Variants in MYDGF observed in about 807,000 individuals in gnomAD.
MYDGF encodes the protein myeloid-derived growth factor.
In MYDGF, 29 loss-of-function variants were observed where a neutral mutation model predicts 24.2. The observed-to-expected ratio is 1.20, with a 90% CI of 0.89 to 1.63. The LOEUF (loss-of-function observed/expected upper bound fraction) is 1.63, where lower values mean the gene tolerates loss of function less well. Among genes scored for constraint, MYDGF ranks in the 40% most tolerant of loss-of-function variants. The probability of loss-of-function intolerance (pLI) is 0.00; values close to 1 mark genes in which losing one functional copy is unlikely to be tolerated. For missense variants in MYDGF, 245 were observed against 234.8 expected, an observed-to-expected ratio of 1.04 and a Z score of -0.29; for synonymous variants, 105 against 102.5, an observed-to-expected ratio of 1.02 and a Z score of -0.15.
intron 2 of MYDGF, among the ~76,000 whole-genome samples, chr19:4,667,121 C>CTTTT (rs57093750): frequency 5.6e-4 from 57 of 102,172 alleles, no homozygotes; most frequent in African/African-American, 6.7e-4. Flanking sequence ...TCAAATCACC[C>CTTTT]TTTTTTTTTT....
intron 3 of MYDGF, among the ~76,000 whole-genome samples, chr19:4,661,260 C>T (rs1316049748): frequency 6.6e-6 from 1 of 152,214 alleles, no homozygotes. Flanking sequence ...GCCACTGTGC[C>T]TGGCCCCTTT....
At chr19:4,659,890 G>C (rs202182289) in intron 5 of MYDGF, 41 bp downstream of exon 5, 2 of 1,579,640 alleles carry the variant, frequency 1.3e-6, no homozygotes, top group East Asian at 4.5e-5. Flanking sequence ...ACCCTTGGAT[G>C]GGGGTGGCGT....
At chr19:4,666,969 A>G (rs1459251471) in intron 2 of MYDGF, among the ~76,000 whole-genome samples, 1 of 151,988 alleles carries the variant, frequency 6.6e-6, no homozygotes, top group Non-Finnish European at 1.5e-5. Flanking sequence ...GTTGTGGCAG[A>G]TTTCAGTTCC....
intron 3 of MYDGF, among the ~76,000 whole-genome samples, chr19:4,662,450 C>G (rs144739839): frequency 6.6e-6 from 1 of 152,184 alleles, no homozygotes; most frequent in Admixed American, 6.5e-5. Context: ...CGGCTTCCTT[C>G]CCTTCATGAC....
chr19:4,657,719 T>C lies in MYDGF; in HGVS notation c.*286A>G. Reference sequence around the variant, plus strand: ...TGCTTTCCCCAGCATAGCCCCCATGTTCCCCACCCTCTTTGTGCCCCGGAT... The same window carrying C: ...TGCTTTCCCCAGCATAGCCCCCATGCTCCCCACCCTCTTTGTGCCCCGGAT... On this transcript the variant is annotated 3_prime_UTR_variant, in exon 6 of 6. Coordinates refer to ENST00000262947, the MANE Select transcript of MYDGF (RefSeq NM_019107.4). The C allele has an allele frequency of 3.4e-6, 1 of 292,566 alleles. No individual in the cohort carries two copies. The highest frequency in any genetic ancestry group is 5.8e-5 in the East Asian group (1 of 17,330). The allele number at this position is 292,566 out of a possible 1,614,324, so 18.1% of individuals were successfully genotyped here.
At chr19:4,670,023 G>A in intron 1 of MYDGF, 138 bp downstream of exon 1, 5 of 988,990 alleles carry the variant, frequency 5.1e-6, no homozygotes, top group Non-Finnish European at 5.4e-6. Context: ...CTCAGCCTCC[G>A]ACCCTAACAA....
In MYDGF at chr19:4,660,161, T is replaced by G. The variant is rs141510512; in HGVS notation, c.370-158A>C. Among the ~76,000 whole-genome samples the G allele has an allele frequency of 2.3e-4, 35 of 152,330 alleles. No homozygotes were observed. In the South Asian group the frequency reaches 2.9e-3, roughly 13 times the overall value. Reference sequence around the variant, plus strand: ...TTGTTTTTGAGCCAGGACCTCACTCTACTGTCCAGGCTGGAATGCAGCAGT... The same window carrying G: ...TTGTTTTTGAGCCAGGACCTCACTCGACTGTCCAGGCTGGAATGCAGCAGT... On this transcript the variant is annotated intron_variant, in intron 4 of 5. Coordinates refer to ENST00000262947, the MANE Select transcript of MYDGF (RefSeq NM_019107.4).
At chr19:4,670,140 C>T in intron 1 of MYDGF, 21 bp downstream of exon 1, 1 of 1,489,406 alleles carries the variant, frequency 6.7e-7, no homozygotes, top group East Asian at 2.7e-5. Flanking sequence ...CTCAAATATC[C>T]GGGACGGCGG....
rs1053964827 is a variant in MYDGF, at chr19:4,670,309, T to C, written c.26A>G (p.Asn9Ser). The stretch of plus-strand genomic sequence containing the variant: ...GGCCCACAAGCTCGCGCCGACGCCG[T>C]TCCACCCTCCGCTGGGCGCCGCCAT... MAAPSGGW[N>S]GVGASLWAAL... The change falls in exon 1 of 6, where the codon AAC becomes AGC. Residue 9 changes from asparagine (N) to serine (S), a missense_variant. Coordinates refer to ENST00000262947, the MANE Select transcript of MYDGF (RefSeq NM_019107.4). 1.3e-6 allele frequency: 2 copies of C among 1,487,926 alleles called. No individual in the cohort carries two copies. Among genetic ancestry groups the C allele is most frequent in the Admixed American group, 4.9e-5 (2 of 41,106 alleles). 92.2% of individuals were successfully genotyped at this position (1,487,926 alleles called of 1,614,324 possible).
intron 2 of MYDGF, among the ~76,000 whole-genome samples, chr19:4,668,347 G>A (rs760683204): frequency 1.3e-5 from 2 of 150,790 alleles, no homozygotes; most frequent in Non-Finnish European, 2.9e-5. Context: ...GATGCTCATG[G>A]GGATGGCAGA....
At chr19:4,668,783 G>C (rs781504597) in intron 1 of MYDGF, 138 bp from the exon 2 acceptor site, 3 of 640,312 alleles carry the variant, frequency 4.7e-6, no homozygotes, top group Non-Finnish European at 8.4e-6. Context: ...CCAGGTTTGA[G>C]TAATCCTCTT....
chr19:4,670,198 C>A lies in MYDGF; in HGVS notation c.137G>T (p.Gly46Val), dbSNP rs747830137. 6 of 1,559,388 alleles carry A rather than the reference C, an allele frequency of 3.8e-6. No homozygotes were observed. The African/African-American group carries it at 8.5e-5, about 22-fold the overall frequency. ...GTTATGGGAGAAGGAATGCACGACGCCGCCGGGCCGCACGTCAAACGCCAC... is the reference window on the plus strand; with the variant it reads ...GTTATGGGAGAAGGAATGCACGACGACGCCGGGCCGCACGTCAAACGCCAC... ...TTVAFDVRPG[G>V]VVHSFSHNVG... Residue 46 changes from glycine to valine, a missense_variant, in exon 1 of 6, where the codon GGC (glycine) becomes GTC (valine). Coordinates refer to ENST00000262947, the MANE Select transcript of MYDGF (RefSeq NM_019107.4).
chr19:4,668,777 G>A (rs2088540115), intron 1 of MYDGF, 132 bp from the exon 2 acceptor site: 1 of 680,174 alleles, frequency 1.5e-6, no homozygotes, highest in Non-Finnish European at 2.6e-6. Flanking sequence ...GAACTCCCAG[G>A]TTTGAGTAAT....
Position 4,666,587 on chromosome 19 carries a change from T to G in MYDGF, c.226-1650A>C, listed in dbSNP as rs561397183. On this transcript the variant is annotated intron_variant, in intron 2 of 5. Coordinates refer to ENST00000262947, the MANE Select transcript of MYDGF (RefSeq NM_019107.4). The stretch of plus-strand genomic sequence containing the variant: ...CACCGCGCCCAGCCCAGTTTTACTT[T>G]TAAGAAAATGGACCCATGAATCCCA... Among the ~76,000 whole-genome samples the G allele has an allele frequency of 2.6e-5, 4 of 151,990 alleles. No individual in the cohort carries two copies. In the South Asian group the frequency reaches 8.3e-4, roughly 32 times the overall value.
intron 2 of MYDGF, among the ~76,000 whole-genome samples, chr19:4,666,263 A>T (rs1442720026): frequency 6.6e-6 from 1 of 152,038 alleles, no homozygotes; most frequent in Non-Finnish European, 1.5e-5. Flanking sequence ...ATGATCTCAA[A>T]ACATACAGTT....
intron 1 of MYDGF, among the ~76,000 whole-genome samples, chr19:4,669,429 C>T (rs991172806): frequency 6.6e-6 from 1 of 152,002 alleles, no homozygotes; most frequent in East Asian, 1.9e-4. Flanking sequence ...CCAGCCTGGG[C>T]GACAGAGTGA....
chr19:4,669,890 G>A (rs1012750602), intron 1 of MYDGF, among the ~76,000 whole-genome samples: 3 of 152,134 alleles, frequency 2.0e-5, no homozygotes, highest in African/African-American at 7.2e-5. Context: ...GGACACTCCA[G>A]GCAGGCGACA....
At chr19:4,663,213 T>A (rs112321279) in intron 3 of MYDGF, among the ~76,000 whole-genome samples, 4,372 of 58,590 alleles carry the variant, frequency 0.075, 51 homozygotes, top group Middle Eastern at 0.13. Flanking sequence ...CGTCCTGTCC[T>A]CATTCTACAC....
chr19:4,659,645 AG>A, intron 5 of MYDGF: 1 of 502,124 alleles, frequency 2.0e-6, no homozygotes, highest in Non-Finnish European at 3.5e-6. Context: ...AACAGGCATG[AG>A]CCACCGCGCC....
Sources: allele counts gnomAD v4.1 joint callset (sites outside exome capture counted in the v4.1 genomes callset), GRCh38; gene constraint gnomAD v4.1.1; transcripts MANE v1.5; gene names NCBI Gene and HGNC (gene_info 2026-07-23, HGNC 2026-07-21).